ATL3: variants seen among roughly 807,000 people sequenced by gnomAD.
The protein encoded by ATL3 is atlastin GTPase 3, also known as atlastin-3.
Under a neutral mutation model 69.5 loss-of-function variants are expected in ATL3, and 49 were observed. The observed-to-expected ratio is 0.71, with a 90% CI of 0.56 to 0.89. The LOEUF is 0.89. Among genes scored for constraint, ATL3 ranks in the 40% least tolerant of loss-of-function variants. ATL3 has a pLI of 0.00. For missense variants in ATL3, 606 were observed against 645.7 expected, an observed-to-expected ratio of 0.94 and a Z score of 0.67; for synonymous variants, 214 against 224.1, an observed-to-expected ratio of 0.95 and a Z score of 0.40.
intron 3 of ATL3, 23 bp downstream of exon 3, chr11:63,658,738 T>C: frequency 1.3e-6 from 2 of 1,583,022 alleles, no homozygotes; most frequent in Non-Finnish European, 1.7e-6. Context: ...GTTGTTAATC[T>C]GTAAGGTCAT....
intron 5 of ATL3, among the ~76,000 whole-genome samples, chr11:63,647,073 T>C (rs1181400042): frequency 6.6e-6 from 1 of 152,198 alleles, no homozygotes; most frequent in Non-Finnish European, 1.5e-5. Flanking sequence ...CCAAATTTCC[T>C]CATGATCTGC....
rs564990320 is a variant in ATL3 at position 63,628,137 on chromosome 11, A to G, written c.*1182T>C. The G allele has an allele frequency of 3.3e-5, 5 of 152,350 alleles. No individual in the cohort carries two copies. The East Asian group carries it at 9.6e-4, about 29-fold the overall frequency. 9.4% of individuals were successfully genotyped at this position (152,350 alleles called of 1,614,324 possible). A position where few individuals can be genotyped will look rare whatever the true frequency, so the allele number is the denominator to read the frequency against. On this transcript the variant is annotated 3_prime_UTR_variant, in exon 13 of 13. Coordinates refer to ENST00000398868, the MANE Select transcript of ATL3 (RefSeq NM_015459.5). ...ATTACAAGAGTTGTGTAAAACATAC[A>G]TACATATGTAAACCTACAGTGAACC...
chr11:63,658,343 CAT>C (rs1940321774), intron 3 of ATL3, among the ~76,000 whole-genome samples: 1 of 152,146 alleles, frequency 6.6e-6, no homozygotes, highest in Non-Finnish European at 1.5e-5. Flanking sequence ...CAAGGAAACA[CAT>C]GTTGAAATAG....
chr11:63,642,778 G>T (rs1179827431), intron 8 of ATL3, among the ~76,000 whole-genome samples: 1 of 152,182 alleles, frequency 6.6e-6, no homozygotes, highest in Non-Finnish European at 1.5e-5. Flanking sequence ...GAGAGACTCG[G>T]ATAAGCTTAT....
rs771762269 is a variant in ATL3 at position 63,659,119 on chromosome 11, C to T, written c.180G>A (p.Val60=). The T allele has an allele frequency of 4.9e-5, 79 of 1,613,956 alleles. No individual in the cohort carries two copies. Among genetic ancestry groups the T allele is most frequent in the Non-Finnish European group, 6.7e-5 (79 of 1,180,034 alleles). ...LLQDHIRDLD[V]VVVSVAGAFR... is the part of the protein sequence containing the mutation. ...AGGCACCAGCCACTGAAACCACCACCACATCAAGATCTCGGATGTGGTCCT... is the reference window on the plus strand; with the variant it reads ...AGGCACCAGCCACTGAAACCACCACTACATCAAGATCTCGGATGTGGTCCT... The change falls in exon 2 of 13, where the codon GTG becomes GTA. Residue 60 remains valine, a synonymous_variant. Transcript: ENST00000398868.
At chr11:63,668,539 G>A (rs1380896939) in intron 1 of ATL3, among the ~76,000 whole-genome samples, 1 of 152,166 alleles carries the variant, frequency 6.6e-6, no homozygotes, top group Non-Finnish European at 1.5e-5. Context: ...TAGCACAGAA[G>A]GCTGAACAAA....
At position 63,631,492 on chromosome 11, in the gene ATL3, A is replaced by G. The variant is rs371646820; in HGVS notation, c.1108-21T>C. Reference sequence around the variant, plus strand: ...CAAACCTAAAAAGAACAAAGAAACAATATGTTAAAAGATCTCTTCAAAAAC... The same window carrying G: ...CAAACCTAAAAAGAACAAAGAAACAGTATGTTAAAAGATCTCTTCAAAAAC... On this transcript the variant is annotated intron_variant, in intron 11 of 12. Transcript: ENST00000398868. 49 of 1,562,810 alleles carry G rather than the reference A, an allele frequency of 3.1e-5. 1 individual carries two copies. The highest frequency in any genetic ancestry group is 2.7e-4 in the South Asian group (22 of 82,960).
At chr11:63,661,196 TG>T (rs201513556) in intron 1 of ATL3, among the ~76,000 whole-genome samples, 17,498 of 147,148 alleles carry the variant, frequency 0.12, 1,133 homozygotes, top group Middle Eastern at 0.17. Context: ...CACTCCAGCC[TG>T]GGTGGCAGAG....
intron 8 of ATL3, among the ~76,000 whole-genome samples, chr11:63,640,456 A>ATTT (rs1303987634): frequency 2.1e-5 from 3 of 139,668 alleles, no homozygotes; most frequent in South Asian, 2.3e-4. Flanking sequence ...TCCAGCTAGT[A>ATTT]TTTTTTTTTT....
chr11:63,656,066 T>C (rs1254675450), intron 3 of ATL3, among the ~76,000 whole-genome samples: 1 of 151,686 alleles, frequency 6.6e-6, no homozygotes, highest in Non-Finnish European at 1.5e-5. Context: ...CTACTAAAAA[T>C]ACAAAAACTT....
Position 63,659,206 on chromosome 11 carries a change from CA to C in ATL3, c.92del (p.Leu31TrpfsTer11), listed in dbSNP as rs748051335. ...CAAAGGAATGTTGATCTTTCTGAAC[CA>C]AAACAACCTGCACTGGACCAGGCTT... Reference protein sequence around the residue: ...SSKPGPVQVVLVQKDQHSFEL... With the variant: ...SSKPGPVQVVXVQKDQHSFEL... On this transcript the variant is annotated frameshift_variant, in exon 2 of 13. Coordinates refer to ENST00000398868, the MANE Select transcript of ATL3 (RefSeq NM_015459.5). LOFTEE classifies it high-confidence loss of function. 6.2e-7 allele frequency: 1 copy of C among 1,614,028 alleles called. No homozygotes were observed. The highest frequency in any genetic ancestry group is 1.1e-5 in the South Asian group (1 of 91,084).
intron 5 of ATL3, among the ~76,000 whole-genome samples, chr11:63,647,347 C>T (rs1939917704): frequency 6.6e-6 from 1 of 152,178 alleles, no homozygotes; most frequent in Non-Finnish European, 1.5e-5. Flanking sequence ...GCATGTGCCA[C>T]CACACCTGGC....
chr11:63,632,313 TG>T (rs1939347844), intron 11 of ATL3: 1 of 786,238 alleles, frequency 1.3e-6, no homozygotes, highest in Non-Finnish European at 2.4e-6. Flanking sequence ...AATACGTTGG[TG>T]GTGTTGTCAT....
intron 3 of ATL3, 24 bp from the exon 4 acceptor site, chr11:63,652,599 A>C (rs747337416): frequency 1.3e-6 from 2 of 1,537,620 alleles, no homozygotes. Flanking sequence ...AAATACAAAC[A>C]AAAGAGATTA....
chr11:63,649,419 C>T (rs1939997068), intron 5 of ATL3, among the ~76,000 whole-genome samples: 1 of 152,168 alleles, frequency 6.6e-6, no homozygotes, highest in East Asian at 1.9e-4. Flanking sequence ...GCTGGGATTA[C>T]ACGCATGACC....
In ATL3 at chr11:63,663,369, C is replaced by T. The variant is rs548277169; in HGVS notation, c.47-4117G>A. 1.2e-3 allele frequency among the ~76,000 whole-genome samples: 176 copies of T among 152,298 alleles called. 1 individual carries two copies. The highest frequency in any genetic ancestry group is 4.1e-3 in the African/African-American group (170 of 41,558). On this transcript the variant is annotated intron_variant, in intron 1 of 12. Coordinates refer to ENST00000398868, the MANE Select transcript of ATL3 (RefSeq NM_015459.5). ...CTCCTGGGCTCTAGTGATCCTCTCA[C>T]CTCAGCCTCCCAGAATGCTGGGATG...
intron 3 of ATL3, among the ~76,000 whole-genome samples, chr11:63,654,746 G>T (rs1940188772): frequency 6.9e-6 from 1 of 144,580 alleles, no homozygotes; most frequent in Non-Finnish European, 1.5e-5. Flanking sequence ...ACCCAGGCTG[G>T]AGTGCAATGG....
At chr11:63,649,535 CTTT>C (rs983684580) in intron 5 of ATL3, among the ~76,000 whole-genome samples, 4 of 143,182 alleles carry the variant, frequency 2.8e-5, no homozygotes, top group African/African-American at 5.1e-5. Flanking sequence ...ATTTTATTTT[CTTT>C]TTTTTTTTTT....
chr11:63,652,392 A>T (rs1432201896), intron 4 of ATL3, 79 bp downstream of exon 4: 1 of 902,286 alleles, frequency 1.1e-6, no homozygotes, highest in African/African-American at 1.7e-5. Context: ...TTCTGTTAAC[A>T]GAACAATAAC....
Sources: gnomAD v4.1 joint callset for allele counts (sites outside exome capture counted in the v4.1 genomes callset) on GRCh38, gnomAD v4.1.1 for gene constraint, MANE v1.5 for transcripts, NCBI Gene and HGNC (gene_info 2026-07-23, HGNC 2026-07-21) for gene names.